The following LIMS1 variants were observed in gnomAD, a reference collection of about 807,000 sequenced individuals.
LIMS1 encodes the protein LIM and senescent cell antigen-like-containing domain protein 1.
Under a neutral mutation model 44.1 loss-of-function variants are expected in LIMS1, and 18 were observed. The observed-to-expected ratio is 0.41, with a 90% CI of 0.28 to 0.61. LIMS1 has a LOEUF of 0.61. LIMS1 is among the 20% of genes least tolerant of loss of function. The pLI is 0.32. For synonymous variants in LIMS1, 93 were observed against 149.1 expected (o/e 0.62, Z 2.74); for missense variants, 201 against 422.0 (o/e 0.48, Z 4.59).
intron 1 of LIMS1, among the ~76,000 whole-genome samples, chr2:108,586,426 A>G (rs1474075649): frequency 6.6e-6 from 1 of 152,232 alleles, no homozygotes; most frequent in Non-Finnish European, 1.5e-5. Flanking sequence ...AGGCCTGAAG[A>G]GTAAGCATAT....
intron 1 of LIMS1, among the ~76,000 whole-genome samples, chr2:108,586,807 A>AG (rs1043577002): frequency 2.0e-5 from 3 of 152,276 alleles, no homozygotes; most frequent in East Asian, 3.9e-4. Flanking sequence ...GAGAGATCGC[A>AG]GCTGCTTCCC....
intron 1 of LIMS1, among the ~76,000 whole-genome samples, chr2:108,614,582 T>G (rs1687832642): frequency 6.6e-6 from 1 of 152,068 alleles, no homozygotes; most frequent in South Asian, 2.1e-4. Flanking sequence ...TTGGAAAACT[T>G]TTGTCTTTAG....
intron 9 of LIMS1, chr2:108,681,573 A>G (rs1344002705): frequency 3.1e-6 from 3 of 957,124 alleles, no homozygotes; most frequent in East Asian, 2.3e-4. Flanking sequence ...TTGATAAATT[A>G]TAAGTGTTGT....
intron 1 of LIMS1, among the ~76,000 whole-genome samples, chr2:108,601,402 C>T (rs1292981214): frequency 6.6e-6 from 1 of 152,080 alleles, no homozygotes; most frequent in Non-Finnish European, 1.5e-5. Context: ...TAGCTGTTTT[C>T]GTAACAAGTT....
At chr2:108,564,041 CAAAAA>C (rs201454363) in intron 1 of LIMS1, among the ~76,000 whole-genome samples, 3 of 92,402 alleles carry the variant, frequency 3.2e-5, no homozygotes, top group East Asian at 3.0e-4. Context: ...GACCCTGTCT[CAAAAA>C]AAAAAAAAAA....
chr2:108,576,299 G>A (rs755302135), intron 1 of LIMS1, among the ~76,000 whole-genome samples: 8 of 151,924 alleles, frequency 5.3e-5, no homozygotes, highest in Non-Finnish European at 1.2e-4. Flanking sequence ...TGTTGAGACA[G>A]GGTCTGTATT....
chr2:108,674,857 C>G (rs1032939539), intron 5 of LIMS1, among the ~76,000 whole-genome samples: 3 of 150,776 alleles, frequency 2.0e-5, no homozygotes, highest in Non-Finnish European at 4.4e-5. Flanking sequence ...GGATTCACCT[C>G]TGTCCACTTT....
intron 1 of LIMS1, among the ~76,000 whole-genome samples, chr2:108,594,511 G>A (rs187997945): frequency 9.2e-5 from 14 of 152,226 alleles, no homozygotes; most frequent in African/African-American, 3.1e-4. Context: ...TTGGCTGGCC[G>A]ACAGGAGATC....
At chr2:108,548,468 T>C (rs1240319213) in intron 1 of LIMS1, among the ~76,000 whole-genome samples, 1 of 152,226 alleles carries the variant, frequency 6.6e-6, no homozygotes, top group African/African-American at 2.4e-5. Flanking sequence ...CTGTATGAAA[T>C]GTACTTTGTT....
At chr2:108,538,784 T>C (rs1466814013) in intron 1 of LIMS1, among the ~76,000 whole-genome samples, 2 of 152,352 alleles carry the variant, frequency 1.3e-5, no homozygotes, top group Admixed American at 6.5e-5. Flanking sequence ...TACATTGACG[T>C]TGCTGTGCAA....
intron 1 of LIMS1, among the ~76,000 whole-genome samples, chr2:108,537,789 T>C (rs1386738828): frequency 6.6e-6 from 1 of 152,222 alleles, no homozygotes; most frequent in African/African-American, 2.4e-5. Flanking sequence ...GGCAGTTCTT[T>C]CCTTTGCTAA....
intron 2 of LIMS1, among the ~76,000 whole-genome samples, chr2:108,661,581 G>C (rs1184775072): frequency 1.3e-5 from 2 of 152,140 alleles, no homozygotes; most frequent in Non-Finnish European, 2.9e-5. Flanking sequence ...CAGGCATAGA[G>C]ACCCCCTACT....
intron 1 of LIMS1, among the ~76,000 whole-genome samples, chr2:108,550,996 G>A (rs893814673): frequency 6.6e-6 from 1 of 151,898 alleles, no homozygotes. Flanking sequence ...GGGCGTGGTG[G>A]CACACACTTG....
rs530116260 is a variant in LIMS1, at chr2:108,681,683, A to T, written c.899+913A>T. 257 of 691,274 alleles carry T rather than the reference A, an allele frequency of 3.7e-4. 3 individuals are homozygous for T. The Middle Eastern group carries it at 6.4e-3, about 17-fold the overall frequency. The allele number at this position is 691,274 out of a possible 1,614,324, so 42.8% of individuals were successfully genotyped here. On this transcript the variant is annotated intron_variant, in intron 9 of 9. Coordinates refer to ENST00000544547, the Ensembl canonical transcript of LIMS1. Reference sequence around the variant, plus strand: ...CGCCTGTAATCCCAGCACTTTAGGAAGGCAGAGTGGAAGGATTGCCTGAGC... The same window carrying T: ...CGCCTGTAATCCCAGCACTTTAGGATGGCAGAGTGGAAGGATTGCCTGAGC...
intron 1 of LIMS1, among the ~76,000 whole-genome samples, chr2:108,598,596 G>A (rs1159635883): frequency 6.6e-6 from 1 of 152,178 alleles, no homozygotes; most frequent in South Asian, 2.1e-4. Flanking sequence ...GAATCCTTTT[G>A]GGAGAACGGA....
chr2:108,649,057 T>C (rs1370865624), intron 1 of LIMS1, among the ~76,000 whole-genome samples: 1 of 152,064 alleles, frequency 6.6e-6, no homozygotes. Flanking sequence ...ACCTACAGAA[T>C]GGGAGAAAAT....
intron 8 of LIMS1, chr2:108,678,431 G>C: frequency 4.0e-6 from 1 of 248,308 alleles, no homozygotes; most frequent in African/African-American, 2.4e-5. Context: ...AGCATATCTA[G>C]GACTTACCAC....
rs375899927 is a variant in LIMS1 at position 108,543,517 on chromosome 2, C to G, written c.32+8923C>G. Among the ~76,000 whole-genome samples, 70 of 152,262 alleles carry G rather than the reference C, an allele frequency of 4.6e-4. 1 individual carries two copies. In the South Asian group the frequency reaches 0.014, roughly 31 times the overall value. Reference sequence around the variant, plus strand: ...AATAACAAAAGAATTCTTAACAGGACCCTTTTAGGATTAAACAAATTTTAT... The same window carrying G: ...AATAACAAAAGAATTCTTAACAGGAGCCTTTTAGGATTAAACAAATTTTAT... On this transcript the variant is annotated intron_variant, in intron 1 of 9. Transcript: ENST00000544547.
chr2:108,537,568 T>C (rs2104562723), intron 1 of LIMS1, among the ~76,000 whole-genome samples: 1 of 152,358 alleles, frequency 6.6e-6, no homozygotes, highest in African/African-American at 2.4e-5. Context: ...CACTTTTCAG[T>C]GCTCTGTGCC....
Sources: gnomAD v4.1 joint callset for allele counts (sites outside exome capture counted in the v4.1 genomes callset) on GRCh38, gnomAD v4.1.1 for gene constraint, MANE v1.5 for transcripts, NCBI Gene and HGNC (gene_info 2026-07-23, HGNC 2026-07-21) for gene names.